Variants in FRMD4B observed in about 807,000 individuals in gnomAD.
The protein encoded by FRMD4B is FERM domain containing 4B.
Under a neutral mutation model 141.5 loss-of-function variants are expected in FRMD4B, and 74 were observed. The ratio of observed to expected loss-of-function variants is 0.52; its 90% CI spans 0.43 to 0.63. The LOEUF is 0.63. FRMD4B is among the 30% of genes least tolerant of loss of function. The pLI is 0.00. For synonymous variants in FRMD4B, 506 were observed against 467.9 expected (o/e 1.08, Z -1.05); for missense variants, 1,366 against 1,253.4 (o/e 1.09, Z -1.36).
At chr3:69,539,898 A>G (rs1559557163) in intron 1 of FRMD4B, among the ~76,000 whole-genome samples, 1 of 152,242 alleles carries the variant, frequency 6.6e-6, no homozygotes, top group Non-Finnish European at 1.5e-5. Context: ...GATTACAAAA[A>G]GGAAGAATTG....
chr3:69,200,392 A>G, intron 11 of FRMD4B: 1 of 991,108 alleles, frequency 1.0e-6, no homozygotes. Context: ...AATCTCCACA[A>G]ACTTGAGGTT....
At chr3:69,377,409 C>T (rs1704000018) in intron 1 of FRMD4B, among the ~76,000 whole-genome samples, 1 of 152,212 alleles carries the variant, frequency 6.6e-6, no homozygotes, top group African/African-American at 2.4e-5. Flanking sequence ...ATTCTACATC[C>T]TCACATCAAG....
intron 21 of FRMD4B, among the ~76,000 whole-genome samples, chr3:69,179,979 C>A (rs949250817): frequency 8.5e-5 from 13 of 152,126 alleles, no homozygotes; most frequent in Non-Finnish European, 1.9e-4. Flanking sequence ...AAGTCCTCCA[C>A]AAATGTTAGC....
intron 1 of FRMD4B, among the ~76,000 whole-genome samples, chr3:69,329,676 C>T (rs1000988120): frequency 5.3e-5 from 8 of 151,350 alleles, no homozygotes; most frequent in East Asian, 1.9e-4. Context: ...TACAGGCGCC[C>T]GCCACCAGGC....
At chr3:69,224,783 A>T (rs2093234225) in intron 7 of FRMD4B, 93 bp from the exon 8 acceptor site, 1 of 699,382 alleles carries the variant, frequency 1.4e-6, no homozygotes, top group Non-Finnish European at 2.6e-6. Context: ...AAAAATAACT[A>T]TTTACAGCAT....
intron 1 of FRMD4B, chr3:69,334,388 C>T (rs986393379): frequency 1.3e-5 from 2 of 148,554 alleles, no homozygotes; most frequent in Non-Finnish European, 1.5e-5. Flanking sequence ...AATCCCAGGA[C>T]TTTGGGAGGC....
intron 5 of FRMD4B, among the ~76,000 whole-genome samples, chr3:69,272,923 A>C (rs772335523): frequency 6.6e-6 from 1 of 152,228 alleles, no homozygotes; most frequent in Non-Finnish European, 1.5e-5. Flanking sequence ...GAACTCTACA[A>C]AAGTATGAAA....
intron 1 of FRMD4B, among the ~76,000 whole-genome samples, chr3:69,511,544 G>A (rs1383543163): frequency 2.0e-5 from 3 of 152,250 alleles, no homozygotes; most frequent in African/African-American, 7.2e-5. Context: ...TCCAACTGCA[G>A]GGAGCATACC....
At chr3:69,176,164 G>C (rs769519418) in intron 22 of FRMD4B, among the ~76,000 whole-genome samples, 5 of 152,026 alleles carry the variant, frequency 3.3e-5, no homozygotes, top group Non-Finnish European at 5.9e-5. Flanking sequence ...AAATATACAA[G>C]AATTCAATGT....
rs138331398 is a variant in FRMD4B at position 69,455,595 on chromosome 3, G to T, written c.-128-22834C>A. ...GGAACATCAGAAGGAACAAACCCTG[G>T]ATGCACCATCTTTAAGAACTGTAAT... On this transcript the variant is annotated intron_variant, in intron 1 of 5. Transcript: ENST00000459638. Among the ~76,000 whole-genome samples, 352 of 152,230 alleles carry T rather than the reference G, an allele frequency of 2.3e-3. 3 individuals carry two copies. The highest frequency in any genetic ancestry group is 8.1e-3 in the African/African-American group (336 of 41,538).
intron 5 of FRMD4B, 182 bp from the exon 6 acceptor site, chr3:69,250,281 C>CTGTGTGTGAGTGTGTG: frequency 5.9e-6 from 3 of 511,728 alleles, no homozygotes; most frequent in Non-Finnish European, 1.0e-5. Context: ...GGCGAAACCA[C>CTGTGTGTGAGTGTGTG]TGTGTGTGCG....
intron 2 of FRMD4B, among the ~76,000 whole-genome samples, chr3:69,411,488 T>C (rs1170796965): frequency 1.3e-5 from 2 of 152,212 alleles, no homozygotes; most frequent in African/African-American, 4.8e-5. Context: ...TTCTGAGTTA[T>C]GTTTTTCATC....
intron 7 of FRMD4B, among the ~76,000 whole-genome samples, chr3:69,235,861 G>A (rs1156780480): frequency 1.3e-5 from 2 of 152,080 alleles, no homozygotes; most frequent in East Asian, 1.9e-4. Context: ...AAGCAAATAC[G>A]ACTCCAAACC....
At chr3:69,210,729 G>A (rs2093067718) in intron 11 of FRMD4B, among the ~76,000 whole-genome samples, 1 of 152,102 alleles carries the variant, frequency 6.6e-6, no homozygotes, top group African/African-American at 2.4e-5. Flanking sequence ...ATTTGAGGGT[G>A]GAGGCCGGGT....
intron 11 of FRMD4B, among the ~76,000 whole-genome samples, chr3:69,212,989 T>C (rs73097719): frequency 0.086 from 13,128 of 152,206 alleles, 575 homozygotes; most frequent in Middle Eastern, 0.11. Context: ...TTTTTTATTA[T>C]GCTCTGCAAA....
intron 1 of FRMD4B, among the ~76,000 whole-genome samples, chr3:69,509,123 T>C (rs967456500): frequency 2.0e-5 from 3 of 152,206 alleles, no homozygotes; most frequent in Non-Finnish European, 4.4e-5. Context: ...GGGTTTGTTC[T>C]ACATTTGAGC....
chr3:69,288,113 G>A (rs913811182), intron 4 of FRMD4B, among the ~76,000 whole-genome samples: 3 of 152,184 alleles, frequency 2.0e-5, no homozygotes, highest in Non-Finnish European at 2.9e-5. Context: ...AAAAACAAAC[G>A]TTTATCTGTG....
At chr3:69,485,477 G>A (rs1347241938) in intron 1 of FRMD4B, among the ~76,000 whole-genome samples, 1 of 152,182 alleles carries the variant, frequency 6.6e-6, no homozygotes, top group African/African-American at 2.4e-5. Flanking sequence ...CAGGAGAACA[G>A]CGTTCCTGCC....
At chr3:69,446,337 T>A (rs959365994) in intron 1 of FRMD4B, among the ~76,000 whole-genome samples, 1 of 151,796 alleles carries the variant, frequency 6.6e-6, no homozygotes, top group African/African-American at 2.4e-5. Flanking sequence ...ACAAATTTTT[T>A]TATTTTTTTT....
Sources: allele counts gnomAD v4.1 joint callset (sites outside exome capture counted in the v4.1 genomes callset), GRCh38; gene constraint gnomAD v4.1.1; transcripts MANE v1.5; gene names NCBI Gene and HGNC (gene_info 2026-07-23, HGNC 2026-07-21).